Variants in NLGN4X observed in about 807,000 individuals in gnomAD.
NLGN4X encodes the protein neuroligin-4, X-linked.
Under a neutral mutation model 40.3 loss-of-function variants are expected in NLGN4X, and 3 were observed. The ratio of observed to expected loss-of-function variants is 0.07; its 90% CI spans 0.03 to 0.19. The LOEUF (loss-of-function observed/expected upper bound fraction) is 0.19, where lower values mean the gene tolerates loss of function less well. NLGN4X is among the 10% of genes least tolerant of loss of function. The pLI is 1.00. For synonymous variants in NLGN4X, 270 were observed against 306.8 expected (o/e 0.88, Z 1.25); for missense variants, 382 against 708.3 (o/e 0.54, Z 5.23).
At chrX:6,136,401 T>C (rs952766442) in intron 2 of NLGN4X, among the ~76,000 whole-genome samples, 5 of 111,806 alleles carry the variant, frequency 4.5e-5, no homozygotes, top group African/African-American at 1.6e-4. Flanking sequence ...CTGATGAAGG[T>C]GTTGGCCTGA....
chrX:5,955,826 A>AAG (rs1169608147), intron 3 of NLGN4X, among the ~76,000 whole-genome samples: 1 of 109,336 alleles, frequency 9.1e-6, no homozygotes, highest in Non-Finnish European at 1.9e-5. Context: ...AAAAAAAAAA[A>AAG]AAAGACAAAA....
chrX:6,078,993 C>T (rs1270023167), intron 2 of NLGN4X, among the ~76,000 whole-genome samples: 2 of 111,771 alleles, frequency 1.8e-5, no homozygotes, highest in African/African-American at 3.3e-5. Flanking sequence ...TTCTCTCCTT[C>T]CTGCTGCCCT....
chrX:5,897,303 G>A (rs950286584), intron 5 of NLGN4X, among the ~76,000 whole-genome samples: 1 of 111,751 alleles, frequency 8.9e-6, no homozygotes, highest in African/African-American at 3.3e-5. Context: ...AGCTCAAAAT[G>A]AAAGAATCCT....
intron 3 of NLGN4X, among the ~76,000 whole-genome samples, chrX:6,009,915 T>C (rs1404175952): frequency 2.7e-5 from 3 of 112,453 alleles, no homozygotes; most frequent in Middle Eastern, 4.6e-3. Flanking sequence ...CTCTCTATCC[T>C]GCATTTTTCT....
At chrX:6,088,937 G>A (rs759199894) in intron 2 of NLGN4X, among the ~76,000 whole-genome samples, 1 of 111,572 alleles carries the variant, frequency 9.0e-6, no homozygotes, top group South Asian at 3.8e-4. Flanking sequence ...GCAGATGAAT[G>A]ATAAATGCCT....
At chrX:6,177,131 A>T (rs779346149) in intron 1 of NLGN4X, among the ~76,000 whole-genome samples, 4 of 111,829 alleles carry the variant, frequency 3.6e-5, no homozygotes, top group Non-Finnish European at 7.5e-5. Flanking sequence ...TTTAAATAAT[A>T]CCCTGTTCTA....
intron 2 of NLGN4X, among the ~76,000 whole-genome samples, chrX:6,122,016 A>G (rs1461235532): frequency 1.8e-5 from 2 of 112,567 alleles, no homozygotes; most frequent in Non-Finnish European, 3.8e-5. Context: ...GAAATCTCTC[A>G]GAATTCCTTC....
At chrX:6,117,330 G>A (rs367731928) in intron 2 of NLGN4X, among the ~76,000 whole-genome samples, 61 of 110,855 alleles carry the variant, frequency 5.5e-4, no homozygotes, top group African/African-American at 2.0e-3. Flanking sequence ...CTCTGAACCT[G>A]AGCAGACAGG....
intron 1 of NLGN4X, among the ~76,000 whole-genome samples, chrX:6,191,317 C>T (rs1922518571): frequency 9.0e-6 from 1 of 111,284 alleles, no homozygotes; most frequent in Admixed American, 9.6e-5. Flanking sequence ...GACAGAATAG[C>T]CTAAATCAAA....
chrX:6,072,208 C>T (rs948379461), intron 2 of NLGN4X, among the ~76,000 whole-genome samples: 18 of 110,711 alleles, frequency 1.6e-4, no homozygotes, highest in African/African-American at 5.9e-4. Flanking sequence ...CTTTTATTTA[C>T]CTCCGTGAAA....
intron 3 of NLGN4X, among the ~76,000 whole-genome samples, chrX:5,924,128 T>C (rs1265292662): frequency 4.5e-5 from 5 of 111,547 alleles, no homozygotes; most frequent in African/African-American, 1.6e-4. Flanking sequence ...CAAGATTGAC[T>C]TGTACATTTA....
intron 3 of NLGN4X, among the ~76,000 whole-genome samples, chrX:5,942,547 G>A (rs898237314): frequency 1.8e-5 from 2 of 110,614 alleles, no homozygotes; most frequent in African/African-American, 3.3e-5. Flanking sequence ...GTGGTGTGGT[G>A]GCATGGTCCT....
At chrX:6,105,161 A>G (rs1047144025) in intron 2 of NLGN4X, among the ~76,000 whole-genome samples, 1 of 110,457 alleles carries the variant, frequency 9.1e-6, no homozygotes, top group Non-Finnish European at 1.9e-5. Context: ...TTCAGGGTCA[A>G]GCCATTCTCC....
intron 2 of NLGN4X, among the ~76,000 whole-genome samples, chrX:6,078,507 G>A (rs773838411): frequency 4.2e-4 from 47 of 111,234 alleles, no homozygotes; most frequent in Non-Finnish European, 8.1e-4. Flanking sequence ...GTCAATCACT[G>A]CCAGGTTGGT....
chrX:6,195,733 A>G (rs1454591443), intron 1 of NLGN4X, among the ~76,000 whole-genome samples: 1 of 111,742 alleles, frequency 8.9e-6, no homozygotes, highest in Non-Finnish European at 1.9e-5. Flanking sequence ...ATTAGTGTGC[A>G]TTGTATCTGA....
chrX:6,147,208 T>C (rs780258635), intron 2 of NLGN4X, among the ~76,000 whole-genome samples: 1 of 112,039 alleles, frequency 8.9e-6, no homozygotes, highest in Admixed American at 9.5e-5. Context: ...TTAAGATGTA[T>C]GTCCAAGGAT....
At chrX:6,195,834 G>C (rs1020646232) in intron 1 of NLGN4X, among the ~76,000 whole-genome samples, 3 of 110,256 alleles carry the variant, frequency 2.7e-5, no homozygotes, top group African/African-American at 9.9e-5. Flanking sequence ...TTTTACCCAG[G>C]CTGGAATTCA....
At chrX:6,001,882 T>G (rs1323748873) in intron 3 of NLGN4X, among the ~76,000 whole-genome samples, 1 of 112,066 alleles carries the variant, frequency 8.9e-6, no homozygotes, top group African/African-American at 3.2e-5. Flanking sequence ...ATTGTTGTTG[T>G]TGTGTTTTAA....
At chrX:6,226,357 T>C (rs1602461114) in intron 1 of NLGN4X, among the ~76,000 whole-genome samples, 1 of 102,450 alleles carries the variant, frequency 9.8e-6, no homozygotes, top group Non-Finnish European at 2.0e-5. Flanking sequence ...AGGGGAGGGG[T>C]ATGATGCGGA....
Sources: gnomAD v4.1 joint callset for allele counts (sites outside exome capture counted in the v4.1 genomes callset) on GRCh38, gnomAD v4.1.1 for gene constraint, MANE v1.5 for transcripts, NCBI Gene and HGNC (gene_info 2026-07-23, HGNC 2026-07-21) for gene names.